Variants in NCOA2 observed in about 807,000 individuals in gnomAD.
The protein encoded by NCOA2 is class E basic helix-loop-helix protein 75.
Under a neutral mutation model 145.1 loss-of-function variants are expected in NCOA2, and 21 were observed. The observed-to-expected ratio is 0.14, with a 90% CI of 0.10 to 0.21. The LOEUF is 0.21. Ranked by LOEUF, NCOA2 falls within the 10% of genes least tolerant of loss-of-function variation. The probability of loss-of-function intolerance (pLI) is 1.00; values close to 1 mark genes in which losing one functional copy is unlikely to be tolerated. For synonymous variants in NCOA2, 619 were observed against 637.5 expected, an observed-to-expected ratio of 0.97 and a Z score of 0.44; for missense variants, 1,472 against 1,837.6, an observed-to-expected ratio of 0.80 and a Z score of 3.64.
At chr8:70,194,130 G>C (rs1268332960) in intron 4 of NCOA2, among the ~76,000 whole-genome samples, 1 of 151,968 alleles carries the variant, frequency 6.6e-6, no homozygotes, top group Non-Finnish European at 1.5e-5. Context: ...GTTGAATTGG[G>C]GTTTCCTTTT....
At chr8:70,145,980 T>G (rs151178732) in intron 12 of NCOA2, among the ~76,000 whole-genome samples, 1 of 152,182 alleles carries the variant, frequency 6.6e-6, no homozygotes, top group Non-Finnish European at 1.5e-5. Flanking sequence ...TAAACCAGTG[T>G]TTTTTTCACG....
intron 2 of NCOA2, among the ~76,000 whole-genome samples, chr8:70,256,623 G>A (rs1256373297): frequency 1.3e-5 from 2 of 152,114 alleles, no homozygotes; most frequent in African/African-American, 2.4e-5. Context: ...AACACTTTTA[G>A]TGCTTACCAT....
intron 4 of NCOA2, among the ~76,000 whole-genome samples, chr8:70,196,215 A>C (rs1392061232): frequency 2.6e-5 from 4 of 152,010 alleles, no homozygotes; most frequent in Non-Finnish European, 5.9e-5. Context: ...GTCTCCACTA[A>C]AGATACAAAA....
At chr8:70,432,652 C>A in the NCOA2 span, among the ~76,000 whole-genome samples, 6 of 152,054 alleles carry the variant, frequency 3.9e-5, no homozygotes, top group African/African-American at 1.4e-4. Context: ...AATACAGTGA[C>A]ACCTTGTCTC....
At chr8:70,421,286 C>T in the NCOA2 span, among the ~76,000 whole-genome samples, 1 of 152,060 alleles carries the variant, frequency 6.6e-6, no homozygotes, top group African/African-American at 2.4e-5. Flanking sequence ...CACGGTGGCT[C>T]ACGCCTGTAA....
chr8:70,212,897 C>T (rs962239935), intron 4 of NCOA2, among the ~76,000 whole-genome samples: 2 of 151,906 alleles, frequency 1.3e-5, no homozygotes, highest in Non-Finnish European at 1.5e-5. Flanking sequence ...GCCTGGCAAA[C>T]ACGGTGAAAC....
intron 2 of NCOA2, among the ~76,000 whole-genome samples, chr8:70,270,753 T>G (rs2135282081): frequency 6.6e-6 from 1 of 152,336 alleles, no homozygotes; most frequent in South Asian, 2.1e-4. Flanking sequence ...TTTGAGTTGC[T>G]CTCATTAAAG....
At chr8:70,357,807 T>C (rs1809858687) in intron 1 of NCOA2, among the ~76,000 whole-genome samples, 1 of 151,888 alleles carries the variant, frequency 6.6e-6, no homozygotes, top group African/African-American at 2.4e-5. Flanking sequence ...TGTGAGCACT[T>C]TGGGAGGCCA....
chr8:70,325,742 T>A (rs925300007), intron 1 of NCOA2, among the ~76,000 whole-genome samples: 1 of 152,218 alleles, frequency 6.6e-6, no homozygotes, highest in African/African-American at 2.4e-5. Flanking sequence ...CTTATACTTT[T>A]CATTTAAGAA....
chr8:70,365,476 A>T (rs1221664062), intron 1 of NCOA2, among the ~76,000 whole-genome samples: 1 of 152,244 alleles, frequency 6.6e-6, no homozygotes, highest in African/African-American at 2.4e-5. Flanking sequence ...TCCTTCTCTG[A>T]TTATCTATGT....
At chr8:70,406,964 A>G (rs1360124132), upstream of NCOA2, among the ~76,000 whole-genome samples, 1 of 152,242 alleles carries the variant, frequency 6.6e-6, no homozygotes, top group East Asian at 1.9e-4. Flanking sequence ...GTCACTAAAT[A>G]TCGCAATTTC....
chr8:70,422,095 C>T, the NCOA2 span, among the ~76,000 whole-genome samples: 14 of 145,888 alleles, frequency 9.6e-5, no homozygotes, highest in Admixed American at 8.3e-4. Flanking sequence ...ACTCCGGTCT[C>T]GAAAAAAAAA....
At chr8:70,388,556 A>G (rs752859912) in intron 1 of NCOA2, among the ~76,000 whole-genome samples, 3 of 152,220 alleles carry the variant, frequency 2.0e-5, no homozygotes, top group Non-Finnish European at 4.4e-5. Flanking sequence ...ATTTGTCTAC[A>G]TGGCTTTTGC....
At chr8:70,203,301 T>C (rs1354614008) in intron 4 of NCOA2, among the ~76,000 whole-genome samples, 2 of 151,106 alleles carry the variant, frequency 1.3e-5, no homozygotes, top group African/African-American at 4.9e-5. Flanking sequence ...TAGTTGCATG[T>C]GTAATTTATT....
In NCOA2 at chr8:70,121,501, G is replaced by T. The variant is rs115613988; in HGVS notation, c.4294-110C>A. On this transcript the variant is annotated intron_variant, in intron 21 of 22. Transcript: ENST00000452400. ...CTGTTTTTAGGGGTGTAAAAACGGG[G>T]AAAAGGAACTGCAGAACAATGGCCT... 2.8e-3 allele frequency: 2,155 copies of T among 759,366 alleles called. 38 individuals carry two copies. In the African/African-American group the frequency reaches 0.032, roughly 11 times the overall value. The allele number at this position is 759,366 out of a possible 1,614,324, so 47.0% of individuals were successfully genotyped here. A position where few individuals can be genotyped will look rare whatever the true frequency, so the allele number is the denominator to read the frequency against.
At chr8:70,319,520 C>T (rs1275241561) in intron 1 of NCOA2, among the ~76,000 whole-genome samples, 3 of 143,428 alleles carry the variant, frequency 2.1e-5, no homozygotes, top group Non-Finnish European at 4.6e-5. Flanking sequence ...CTAGCATAGG[C>T]AACAGAGACC....
At chr8:70,294,237 A>G (rs1416545115) in intron 2 of NCOA2, among the ~76,000 whole-genome samples, 2 of 152,136 alleles carry the variant, frequency 1.3e-5, no homozygotes, top group African/African-American at 4.8e-5. Context: ...CAAACTATCA[A>G]ATTTTTCAAG....
the NCOA2 span, among the ~76,000 whole-genome samples, chr8:70,417,456 G>A: frequency 1.3e-5 from 2 of 152,118 alleles, no homozygotes; most frequent in South Asian, 4.1e-4. Context: ...AGCTGAGGCA[G>A]GAGAATTGCT....
At chr8:70,395,411 G>A (rs1171848795) in intron 1 of NCOA2, among the ~76,000 whole-genome samples, 2 of 152,186 alleles carry the variant, frequency 1.3e-5, no homozygotes, top group Non-Finnish European at 2.9e-5. Flanking sequence ...AGCCCCCAAT[G>A]CCTGTCTCCA....
Sources: allele counts gnomAD v4.1 joint callset (sites outside exome capture counted in the v4.1 genomes callset), GRCh38; gene constraint gnomAD v4.1.1; transcripts MANE v1.5; gene names NCBI Gene and HGNC (gene_info 2026-07-23, HGNC 2026-07-21).